Variants in AKAP6 observed in about 807,000 individuals in gnomAD.
AKAP6 encodes the protein A-kinase anchor protein 6.
In AKAP6, 58 loss-of-function variants were observed where a neutral mutation model predicts 188.5. That is an observed-to-expected ratio of 0.31 (90% CI 0.25 to 0.38). The LOEUF is 0.38. Ranked by LOEUF, AKAP6 falls within the 10% of genes least tolerant of loss-of-function variation. The pLI is 1.00. For missense variants in AKAP6, 2,710 were observed against 2,740.0 expected, an observed-to-expected ratio of 0.99 and a Z score of 0.24; for synonymous variants, 989 against 998.6, an observed-to-expected ratio of 0.99 and a Z score of 0.18.
At chr14:32,758,184 A>C (rs913551948) in intron 11 of AKAP6, among the ~76,000 whole-genome samples, 1 of 152,168 alleles carries the variant, frequency 6.6e-6, no homozygotes, top group African/African-American at 2.4e-5. Flanking sequence ...TTGATACCTG[A>C]GCTCATCTAG....
At chr14:32,398,872 G>C (rs1403880847) in intron 1 of AKAP6, among the ~76,000 whole-genome samples, 4 of 17,530 alleles carry the variant, frequency 2.3e-4, no homozygotes, top group Non-Finnish European at 6.1e-4. Flanking sequence ...TTTTTTTTTT[G>C]ATGGAGTCTT....
intron 2 of AKAP6, among the ~76,000 whole-genome samples, chr14:32,492,036 C>T (rs1357164713): frequency 2.0e-5 from 3 of 152,074 alleles, no homozygotes; most frequent in African/African-American, 7.2e-5. Context: ...TATCCAGTTA[C>T]ATCTCTTGAC....
At chr14:32,679,051 TACTA>T (rs1437095971) in intron 8 of AKAP6, among the ~76,000 whole-genome samples, 1 of 152,192 alleles carries the variant, frequency 6.6e-6, no homozygotes, top group Non-Finnish European at 1.5e-5. Flanking sequence ...ATTTATATTA[TACTA>T]ACTATTCATA....
At chr14:32,716,687 A>ATCTG (rs1357445952) in intron 9 of AKAP6, among the ~76,000 whole-genome samples, 1 of 149,378 alleles carries the variant, frequency 6.7e-6, no homozygotes, top group Non-Finnish European at 1.5e-5. Context: ...CTATCTATCT[A>ATCTG]TCTATCTATC....
rs1265712497 is a variant in AKAP6, at chr14:32,833,726, GA to G, written c.*3923del. 1 of 152,006 alleles carries G rather than the reference GA, an allele frequency of 6.6e-6. No homozygotes were observed. The highest frequency in any genetic ancestry group is 1.5e-5 in the Non-Finnish European group (1 of 67,984). The allele number at this position is 152,006 out of a possible 1,614,324, so 9.4% of individuals were successfully genotyped here. A position where few individuals can be genotyped will look rare whatever the true frequency, so the allele number is the denominator to read the frequency against. ...TTCCAAAAGAAGTTGAAATTTTTTA[GA>G]ATTTTAAAGAAAAACTCACTTTTCA... is the stretch of plus-strand genomic sequence containing the variant. On this transcript the variant is annotated 3_prime_UTR_variant, in exon 14 of 14. Transcript: ENST00000280979.
At chr14:32,449,819 C>T (rs1260484645) in intron 2 of AKAP6, among the ~76,000 whole-genome samples, 1 of 152,166 alleles carries the variant, frequency 6.6e-6, no homozygotes, top group Non-Finnish European at 1.5e-5. Context: ...ATTGAGATGT[C>T]CTGGCCCCTT....
intron 3 of AKAP6, 121 bp downstream of exon 3, chr14:32,535,926 T>C: frequency 3.5e-6 from 5 of 1,411,358 alleles, no homozygotes; most frequent in Non-Finnish European, 4.8e-6. Flanking sequence ...CTGATGGGCT[T>C]TGAATCTAGG....
intron 11 of AKAP6, among the ~76,000 whole-genome samples, chr14:32,755,872 T>G (rs150287793): frequency 2.6e-5 from 4 of 152,346 alleles, no homozygotes; most frequent in South Asian, 2.1e-4. Context: ...TTTATTTTGT[T>G]TGTTTGGTAC....
At chr14:32,750,124 T>C (rs2032067612) in intron 11 of AKAP6, among the ~76,000 whole-genome samples, 1 of 152,200 alleles carries the variant, frequency 6.6e-6, no homozygotes, top group African/African-American at 2.4e-5. Context: ...ACAAAGCTTA[T>C]ATTATGGGCT....
chr14:32,483,285 A>G (rs1159890004), intron 2 of AKAP6, among the ~76,000 whole-genome samples: 1 of 152,044 alleles, frequency 6.6e-6, no homozygotes, highest in Non-Finnish European at 1.5e-5. Flanking sequence ...CTTTTTCTTT[A>G]TGAAGGTTTT....
chr14:32,349,618 A>G (rs943189564), intron 1 of AKAP6, among the ~76,000 whole-genome samples: 1 of 152,194 alleles, frequency 6.6e-6, no homozygotes, highest in African/African-American at 2.4e-5. Context: ...AATAACAATG[A>G]TGGATTCTTT....
rs144645662 is a variant in AKAP6 at position 32,450,834 on chromosome 14, C to G, written c.324+17017C>G. Among the ~76,000 whole-genome samples, 133 of 152,200 alleles carry G rather than the reference C, an allele frequency of 8.7e-4. 2 individuals carry two copies. In the East Asian group the frequency reaches 0.024, roughly 27 times the overall value. The stretch of plus-strand genomic sequence containing the variant: ...AGGGCCTTGGTTAGTTATAGTTTTA[C>G]TGTTAAGAATGCTACAATTTGGGCC... On this transcript the variant is annotated intron_variant, in intron 2 of 13. Transcript: ENST00000280979.
At chr14:32,675,781 A>C (rs899323760) in intron 7 of AKAP6, among the ~76,000 whole-genome samples, 1 of 152,206 alleles carries the variant, frequency 6.6e-6, no homozygotes, top group African/African-American at 2.4e-5. Context: ...CATTTCAATC[A>C]TTTTGTAAGG....
Position 32,821,594 on chromosome 14 carries a change from T to G in AKAP6, c.3781T>G (p.Tyr1261Asp). ...LGETSNEDPG[Y>D]DEEADNHGGS... ...AGAGACAAGTAATGAGGACCCTGGT[T>G]ATGACGAGGAGGCTGATAACCATGG... Residue 1261 changes from tyrosine (Y) to aspartate (D), a missense_variant, in exon 13 of 14, where the codon TAT becomes GAT. Around this residue, in one of 2 missense-constraint regions of AKAP6, gnomAD observed 2,473 missense variants for 2,426.1 expected, o/e 1.02. Coordinates refer to ENST00000280979, the MANE Select transcript of AKAP6 (RefSeq NM_004274.5). 6.2e-7 allele frequency: 1 copy of G among 1,613,754 alleles called. No homozygotes were observed. The highest frequency in any genetic ancestry group is 1.1e-5 in the South Asian group (1 of 91,072).
At chr14:32,636,602 G>A (rs1020172091) in intron 7 of AKAP6, among the ~76,000 whole-genome samples, 1 of 152,060 alleles carries the variant, frequency 6.6e-6, no homozygotes, top group Non-Finnish European at 1.5e-5. Flanking sequence ...TAATGGTAGA[G>A]AAGGATGTCT....
chr14:32,466,189 C>T (rs1878418207), intron 2 of AKAP6, among the ~76,000 whole-genome samples: 1 of 152,130 alleles, frequency 6.6e-6, no homozygotes, highest in African/African-American at 2.4e-5. Flanking sequence ...GGATCTAGAA[C>T]CAGAAATACT....
intron 7 of AKAP6, among the ~76,000 whole-genome samples, chr14:32,618,830 C>T (rs796848671): frequency 4.6e-5 from 7 of 152,288 alleles, no homozygotes; most frequent in African/African-American, 1.7e-4. Flanking sequence ...ATAAGTGTTC[C>T]CTTTTCATCA....
chr14:32,535,050 A>G (rs1423351031), intron 2 of AKAP6, among the ~76,000 whole-genome samples: 1 of 151,808 alleles, frequency 6.6e-6, no homozygotes, highest in African/African-American at 2.4e-5. Flanking sequence ...GAGAGTGACA[A>G]TTGCCCCTTA....
intron 2 of AKAP6, chr14:32,473,679 G>C (rs1453690144): frequency 1.3e-5 from 2 of 152,310 alleles, no homozygotes; most frequent in African/African-American, 4.8e-5. Flanking sequence ...CGGGAGGTGC[G>C]GGGGGACTGA....
Sources: allele counts gnomAD v4.1 joint callset (sites outside exome capture counted in the v4.1 genomes callset), GRCh38; gene constraint gnomAD v4.1.1; regional missense constraint gnomAD v4.1.1; transcripts MANE v1.5; gene names NCBI Gene and HGNC (gene_info 2026-07-23, HGNC 2026-07-21).